FAM168B: variants seen among roughly 807,000 people sequenced by gnomAD.
FAM168B encodes the protein myelin-associated neurite-outgrowth inhibitor.
Under a neutral mutation model 21.8 loss-of-function variants are expected in FAM168B, and 19 were observed. That is an observed-to-expected ratio of 0.87 (90% CI 0.61 to 1.28). The LOEUF is 1.28. Among genes scored for constraint, FAM168B ranks in the 50% most tolerant of loss-of-function variants. The probability of loss-of-function intolerance (pLI) is 0.00; values close to 1 mark genes in which losing one functional copy is unlikely to be tolerated. For missense variants in FAM168B, 233 were observed against 263.1 expected (o/e 0.89, Z 0.79); for synonymous variants, 126 against 104.8 (o/e 1.20, Z -1.24).
intron 2 of FAM168B, among the ~76,000 whole-genome samples, chr2:131,081,935 A>G (rs1290310229): frequency 2.6e-5 from 4 of 152,194 alleles, no homozygotes; most frequent in African/African-American, 9.7e-5. Context: ...CCATATTATC[A>G]AAACCCAAAA....
In FAM168B at chr2:131,052,989, T is replaced by G. The variant is rs1255574472; in HGVS notation, c.502A>C (p.Thr168Pro). Residue 168 changes from threonine (T) to proline (P), a missense_variant, in exon 6 of 7, where the codon ACT becomes CCT. Thr to Pro is a conservative substitution (Grantham distance 38, BLOSUM62 -1). Transcript: ENST00000389915. ...GTGACCGGGTGGGGGGCGACAGGAGTTGGGGAGTGAGCAGTCAGCAGGGTA... is the reference window on the plus strand; with the variant it reads ...GTGACCGGGTGGGGGGCGACAGGAGGTGGGGAGTGAGCAGTCAGCAGGGTA... ...AGTLLTAHSP[T>P]PVAPHPVTVP... 4 of 1,555,024 alleles carry G rather than the reference T, an allele frequency of 2.6e-6. No homozygotes were observed. The highest frequency in any genetic ancestry group is 2.4e-5 in the South Asian group (2 of 84,290).
At chr2:131,082,781 T>G (rs1693485379) in intron 1 of FAM168B, 124 bp from the exon 2 acceptor site, 1 of 608,178 alleles carries the variant, frequency 1.6e-6, no homozygotes, top group African/African-American at 1.9e-5. Flanking sequence ...ATGCATTTCA[T>G]GCTGCCCCCA....
chr2:131,078,943 C>T (rs1693301229), intron 2 of FAM168B, among the ~76,000 whole-genome samples: 3 of 149,972 alleles, frequency 2.0e-5, no homozygotes, highest in Admixed American at 6.7e-5. Context: ...GCCGTGACTA[C>T]ACCACTGCAC....
intron 3 of FAM168B, 77 bp downstream of exon 3, chr2:131,071,778 C>G: frequency 7.9e-7 from 1 of 1,262,772 alleles, no homozygotes; most frequent in Non-Finnish European, 1.2e-6. Flanking sequence ...AATTCTATAC[C>G]CACCCCTCTC....
chr2:131,057,033 A>C (rs916396991), intron 3 of FAM168B, among the ~76,000 whole-genome samples: 1 of 152,170 alleles, frequency 6.6e-6, no homozygotes, highest in African/African-American at 2.4e-5. Context: ...AACTTATAAT[A>C]TGTAAATCAG....
chr2:131,078,486 A>C (rs181943765), intron 2 of FAM168B, among the ~76,000 whole-genome samples: 5 of 152,214 alleles, frequency 3.3e-5, no homozygotes, highest in Non-Finnish European at 7.3e-5. Context: ...CCAGGAGAGG[A>C]GAGAAAGGGA....
intron 2 of FAM168B, 131 bp from the exon 3 acceptor site, chr2:131,072,069 G>C (rs1461935673): frequency 7.0e-6 from 5 of 718,688 alleles, no homozygotes; most frequent in Non-Finnish European, 1.2e-5. Flanking sequence ...AGAGCACTAT[G>C]TGTGGCCAAC....
intron 3 of FAM168B, among the ~76,000 whole-genome samples, chr2:131,069,411 A>C (rs1025071646): frequency 1.3e-5 from 2 of 152,336 alleles, no homozygotes; most frequent in South Asian, 2.1e-4. Context: ...TCACAGACAT[A>C]AATGTAAAAC....
intron 1 of FAM168B, among the ~76,000 whole-genome samples, chr2:131,082,867 A>C (rs1476977706): frequency 6.6e-6 from 1 of 152,154 alleles, no homozygotes; most frequent in African/African-American, 2.4e-5. Flanking sequence ...TTTTTTTCAC[A>C]ATTCTCCTCA....
In FAM168B at chr2:131,049,598, C is replaced by T. The variant is rs1691523632; in HGVS notation, c.*2867G>A. 6.1e-6 allele frequency: 6 copies of T among 985,282 alleles called. No homozygotes were observed. Among genetic ancestry groups the T allele is most frequent in the Admixed American group, 6.1e-5 (1 of 16,262 alleles). 61.0% of individuals were successfully genotyped at this position (985,282 alleles called of 1,614,324 possible). On this transcript the variant is annotated 3_prime_UTR_variant, in exon 7 of 7. Transcript: ENST00000389915. Reference sequence around the variant, plus strand: ...ACCTCCATGAGCAGAGAAACTGCAGCGGCTGAACACACTCCCCAAGCCTCA... The same window carrying T: ...ACCTCCATGAGCAGAGAAACTGCAGTGGCTGAACACACTCCCCAAGCCTCA...
chr2:131,086,459 A>C (rs1693702771), intron 1 of FAM168B, among the ~76,000 whole-genome samples: 2 of 152,120 alleles, frequency 1.3e-5, no homozygotes, highest in South Asian at 4.1e-4. Context: ...AAAAAGTAAA[A>C]AGATCAGCTG....
intron 1 of FAM168B, among the ~76,000 whole-genome samples, chr2:131,089,057 C>A (rs1353006081): frequency 6.6e-6 from 1 of 151,740 alleles, no homozygotes; most frequent in African/African-American, 2.4e-5. Flanking sequence ...ACTTCTGACT[C>A]CCAGGTTCAA....
At position 131,052,233 on chromosome 2, in the gene FAM168B, C is replaced by T. The variant is rs1481249860; in HGVS notation, c.*232G>A. The T allele has an allele frequency of 1.0e-6, 1 of 985,666 alleles. No homozygotes were observed. Among genetic ancestry groups the T allele is most frequent in the African/African-American group, 1.7e-5 (1 of 57,210 alleles). The allele number at this position is 985,666 out of a possible 1,614,324, so 61.1% of individuals were successfully genotyped here. A position where few individuals can be genotyped will look rare whatever the true frequency, so the allele number is the denominator to read the frequency against. On this transcript the variant is annotated 3_prime_UTR_variant, in exon 7 of 7. Coordinates refer to ENST00000389915, the MANE Select transcript of FAM168B (RefSeq NM_001009993.4). ...ACTCCCTTTTTATCATTACAGTTAG[C>T]TAAAAAATTGCCAGGCAGTCCACAA...
chr2:131,071,862 G>A lies in FAM168B; in HGVS notation c.147C>T (p.Phe49=), dbSNP rs753546067. Residue 49 remains phenylalanine (F), a synonymous_variant, in exon 3 of 7, where the codon TTC becomes TTT. Coordinates refer to ENST00000389915, the MANE Select transcript of FAM168B (RefSeq NM_001009993.4). The part of the protein sequence containing the change: ...PNMYPGANPT[F]QTGYTPGTPY... ...TTACCACCCAGCACATACCTGTTTGGAAGGTAGGATTCGCTCCAGGATACA... is the reference window on the plus strand; with the variant it reads ...TTACCACCCAGCACATACCTGTTTGAAAGGTAGGATTCGCTCCAGGATACA... 1.2e-6 allele frequency: 2 copies of A among 1,613,794 alleles called. No individual in the cohort carries two copies.
chr2:131,050,627 C>A lies in FAM168B; in HGVS notation c.*1838G>T. 5.1e-6 allele frequency: 5 copies of A among 985,280 alleles called. No homozygotes were observed. Among genetic ancestry groups the A allele is most frequent in the Non-Finnish European group, 6.0e-6 (5 of 829,596 alleles). 61.0% of individuals were successfully genotyped at this position (985,280 alleles called of 1,614,324 possible). ...TTACAATGATCCATGCAAAAATATTCCTAAACTTCTTATAAAATAAGATGT... is the reference window on the plus strand; with the variant it reads ...TTACAATGATCCATGCAAAAATATTACTAAACTTCTTATAAAATAAGATGT... On this transcript the variant is annotated 3_prime_UTR_variant, in exon 7 of 7. Transcript: ENST00000389915.
intron 2 of FAM168B, among the ~76,000 whole-genome samples, chr2:131,073,663 G>C (rs1303339314): frequency 2.0e-5 from 3 of 152,094 alleles, no homozygotes; most frequent in Non-Finnish European, 2.9e-5. Flanking sequence ...CCATGCTCTT[G>C]GACTTCCCTA....
intron 1 of FAM168B, among the ~76,000 whole-genome samples, chr2:131,088,802 G>C (rs6745955): frequency 0.15 from 23,297 of 151,944 alleles, 2,021 homozygotes; most frequent in South Asian, 0.24. Flanking sequence ...CTGTACTGCC[G>C]CATTTTCAAT....
At chr2:131,080,934 T>C (rs149218712) in intron 2 of FAM168B, among the ~76,000 whole-genome samples, 3,032 of 152,108 alleles carry the variant, frequency 0.02, 107 homozygotes, top group African/African-American at 0.069. Context: ...CCTCCCAAAG[T>C]GCTGGGATTA....
At chr2:131,081,213 A>G (rs983235925) in intron 2 of FAM168B, among the ~76,000 whole-genome samples, 1 of 151,842 alleles carries the variant, frequency 6.6e-6, no homozygotes, top group Non-Finnish European at 1.5e-5. Flanking sequence ...TCTTTCTTTT[A>G]TATCTGCAAT....
Sources: gnomAD v4.1 joint callset for allele counts (sites outside exome capture counted in the v4.1 genomes callset) on GRCh38, gnomAD v4.1.1 for gene constraint, MANE v1.5 for transcripts, NCBI Gene and HGNC (gene_info 2026-07-23, HGNC 2026-07-21) for gene names.